C12orf71: variants seen among roughly 807,000 people sequenced by gnomAD.
C12orf71 encodes the protein chromosome 12 open reading frame 71.
Under a neutral mutation model 11.7 loss-of-function variants are expected in C12orf71, and 10 were observed. That is an observed-to-expected ratio of 0.86 (90% CI 0.53 to 1.45). C12orf71 has a LOEUF of 1.45. Among genes scored for constraint, C12orf71 ranks in the 40% most tolerant of loss-of-function variants. The pLI, the probability that C12orf71 is intolerant of heterozygous loss-of-function variation, is 0.00. For missense variants in C12orf71, 293 were observed against 325.8 expected, an observed-to-expected ratio of 0.90 and a Z score of 0.78; for synonymous variants, 110 against 123.4, an observed-to-expected ratio of 0.89 and a Z score of 0.72.
At position 27,081,511 on chromosome 12, in the gene C12orf71, C is replaced by T. The variant is rs189463694; in HGVS notation, c.517-44G>A. The T allele has an allele frequency of 3.4e-4, 530 of 1,556,098 alleles. 3 individuals carry two copies. The Middle Eastern group carries it at 5.7e-3, about 17-fold the overall frequency. The stretch of plus-strand genomic sequence containing the variant: ...ATGTGTTAGGTAGGAATAACCATGA[C>T]AACAGCCAAATCAACGTTTACTCAT... On this transcript the variant is annotated intron_variant, in intron 1 of 1. Coordinates refer to ENST00000429849, the MANE Select transcript of C12orf71 (RefSeq NM_001080406.2).
upstream of C12orf71, among the ~76,000 whole-genome samples, chr12:27,083,571 C>G (rs909155745): frequency 6.6e-6 from 1 of 152,104 alleles, no homozygotes; most frequent in Non-Finnish European, 1.5e-5. Context: ...TACAATATGT[C>G]CACATACACA....
Position 27,082,127 on chromosome 12 carries a change from T to G in C12orf71, c.357A>C (p.Leu119Phe), listed in dbSNP as rs752910392. 6.2e-7 allele frequency: 1 copy of G among 1,613,458 alleles called. No homozygotes were observed. The highest frequency in any genetic ancestry group is 8.5e-7 in the Non-Finnish European group (1 of 1,179,624). The stretch of plus-strand genomic sequence containing the variant: ...CAGACAGTTTTGTTCTCTCTTTTGG[T>G]AACTTGTCTATCCACAGGTTGTCTC... ...LNGDNLWIDK[L>F]PKERTKLSVG... The change falls in exon 1 of 2, where the codon TTA (leucine) becomes TTC (phenylalanine). Residue 119 changes from leucine (L) to phenylalanine (F), a missense_variant. Physicochemically the swap from Leu to Phe is conservative, Grantham distance 22. Coordinates refer to ENST00000429849, the MANE Select transcript of C12orf71 (RefSeq NM_001080406.2).
At position 27,082,287 on chromosome 12, in the gene C12orf71, A is replaced by G. The variant is rs370338167; in HGVS notation, c.197T>C (p.Ile66Thr). Residue 66 changes from isoleucine (I) to threonine (T), a missense_variant, in exon 1 of 2, where the codon ATA becomes ACA. Coordinates refer to ENST00000429849, the MANE Select transcript of C12orf71 (RefSeq NM_001080406.2). ...GTCTTGTCTCTTCATGCGTCTCCCT[A>G]TCCTTTCAGTCCCCCATGCCCCTTG... is the stretch of plus-strand genomic sequence containing the variant. ...PVQGAWGTERIGRRMKRQDQI... is the reference protein window; with the variant it reads ...PVQGAWGTERTGRRMKRQDQI... 9.3e-6 allele frequency: 15 copies of G among 1,607,354 alleles called. No homozygotes were observed. The highest frequency in any genetic ancestry group is 6.7e-5 in the African/African-American group (5 of 74,608).
At chr12:27,082,613 T>C (rs1415624870), upstream of C12orf71, 3 of 689,054 alleles carry the variant, frequency 4.4e-6, no homozygotes, top group African/African-American at 5.7e-5. Context: ...TTCTCTTTTT[T>C]CTTTTTTTTT....
chr12:27,081,805 C>T, intron 1 of C12orf71, 163 bp downstream of exon 1: 2 of 820,864 alleles, frequency 2.4e-6, no homozygotes, highest in Non-Finnish European at 4.1e-6. Flanking sequence ...TGTGGTTCAA[C>T]CCAGGCCTAT....
At chr12:27,083,548 A>G (rs1941954206), upstream of C12orf71, among the ~76,000 whole-genome samples, 1 of 152,238 alleles carries the variant, frequency 6.6e-6, no homozygotes, top group South Asian at 2.1e-4. Flanking sequence ...ACATATACAT[A>G]TCTGTACATT....
chr12:27,082,595 C>T, upstream of C12orf71: 1 of 772,550 alleles, frequency 1.3e-6, no homozygotes, highest in Non-Finnish European at 1.9e-6. Flanking sequence ...AAAACATTAT[C>T]CATTCCCTTC....
chr12:27,081,401 G>T lies in C12orf71; in HGVS notation c.583C>A (p.Gln195Lys). Residue 195 changes from glutamine to lysine, a missense_variant, in exon 2 of 2, where the codon CAG (glutamine) becomes AAG (lysine). By Grantham distance (53) the Gln-to-Lys change is moderately conservative. Transcript: ENST00000429849. ...GAAGGAGTGTCATCCTTCTCTGGCTGCTCTGACAGGATTGAGGAGATCTCT... is the reference window on the plus strand; with the variant it reads ...GAAGGAGTGTCATCCTTCTCTGGCTTCTCTGACAGGATTGAGGAGATCTCT... The part of the protein sequence containing the change: ...APEISSILSE[Q>K]PEKDDTPSHT... 6.2e-7 allele frequency: 1 copy of T among 1,614,002 alleles called. No homozygotes were observed. The highest frequency in any genetic ancestry group is 8.5e-7 in the Non-Finnish European group (1 of 1,179,896).
upstream of C12orf71, among the ~76,000 whole-genome samples, chr12:27,082,942 T>C (rs569188424): frequency 2.8e-3 from 425 of 151,216 alleles, 2 homozygotes; most frequent in African/African-American, 9.7e-3. Flanking sequence ...TTTTTGTTTG[T>C]TTTTGTTTTT....
chr12:27,082,614 C>CT (rs138774709), upstream of C12orf71: 137,272 of 512,720 alleles, frequency 0.27, 5,975 homozygotes, highest in Non-Finnish European at 0.3. Context: ...TCTCTTTTTT[C>CT]TTTTTTTTTT....
upstream of C12orf71, among the ~76,000 whole-genome samples, chr12:27,083,108 T>G (rs1941951363): frequency 6.6e-6 from 1 of 151,660 alleles, no homozygotes; most frequent in South Asian, 2.1e-4. Flanking sequence ...GCCCAGCTAA[T>G]TTTTTGTATT....
rs367894741 is a variant in C12orf71, at chr12:27,082,434, G to A, written c.50C>T (p.Ser17Phe). 1 of 1,524,184 alleles carries A rather than the reference G, an allele frequency of 6.6e-7. No individual in the cohort carries two copies. The highest frequency in any genetic ancestry group is 8.8e-7 in the Non-Finnish European group (1 of 1,138,042). 94.4% of individuals were successfully genotyped at this position (1,524,184 alleles called of 1,614,324 possible). The change falls in exon 1 of 2, where the codon TCC becomes TTC. Residue 17 changes from serine to phenylalanine, a missense_variant. By Grantham distance (155) the Ser-to-Phe change is radical (BLOSUM62 -2). Transcript: ENST00000429849. ...CACAGAGAGGCTCAGGTTGGAATTG[G>A]ATTTGGAGCTGTCGTCCTCTATGTC... ...NSDIEDDSSKSNSNLSLSVGY... is the reference protein window; with the variant it reads ...NSDIEDDSSKFNSNLSLSVGY...
At chr12:27,081,585 G>T in intron 1 of C12orf71, 118 bp from the exon 2 acceptor site, 1 of 951,374 alleles carries the variant, frequency 1.1e-6, no homozygotes, top group Non-Finnish European at 1.6e-6. Flanking sequence ...TGTCAATGCA[G>T]AGTTTCAATG....
chr12:27,081,940 G>A (rs1159703816), intron 1 of C12orf71, 28 bp downstream of exon 1: 11 of 1,563,012 alleles, frequency 7.0e-6, no homozygotes, highest in Non-Finnish European at 8.7e-6. Context: ...GGCAGGTCTT[G>A]ACAAGCATCA....
chr12:27,081,427 G>A lies in C12orf71; in HGVS notation c.557C>T (p.Pro186Leu). The A allele has an allele frequency of 5.0e-6, 8 of 1,613,584 alleles. No homozygotes were observed. Among genetic ancestry groups the A allele is most frequent in the Non-Finnish European group, 6.8e-6 (8 of 1,179,588 alleles). Reference protein sequence around the residue: ...QATASQRTSAPEISSILSEQP... With the variant: ...QATASQRTSALEISSILSEQP... ...CTCTGACAGGATTGAGGAGATCTCT[G>A]GAGCGCTTGTCCTTTGGCTGGCGGT... The change falls in exon 2 of 2, where the codon CCA (proline) becomes CTA (leucine). Residue 186 changes from proline to leucine, a missense_variant. Transcript: ENST00000429849.
rs753427663 is a variant in C12orf71 at position 27,081,318 on chromosome 12, C to G, written c.666G>C (p.Gln222His). 1.9e-6 allele frequency: 3 copies of G among 1,614,018 alleles called. No individual in the cohort carries two copies. In the South Asian group the frequency reaches 3.3e-5, roughly 18 times the overall value. ...NFGWAFSWLRQRILPSLLRRD... is the reference protein window; with the variant it reads ...NFGWAFSWLRHRILPSLLRRD... ...TCCTCAGCAGAGAGGGGAGGATACG[C>G]TGCCTCAGCCAGCTGAAGGCCCACC... Residue 222 changes from glutamine to histidine, a missense_variant, in exon 2 of 2, where the codon CAG becomes CAC. Physicochemically the swap from Gln to His is conservative, Grantham distance 24. Transcript: ENST00000429849.
chr12:27,082,703 G>A (rs1478932575), upstream of C12orf71, among the ~76,000 whole-genome samples: 4 of 150,536 alleles, frequency 2.7e-5, no homozygotes, highest in Non-Finnish European at 5.9e-5. Context: ...TCAGCCTCCC[G>A]AGTAGCTGGG....
chr12:27,082,121 T>G lies in C12orf71; in HGVS notation c.363A>C (p.Lys121Asn). The G allele has an allele frequency of 6.2e-7, 1 of 1,613,304 alleles. No individual in the cohort carries two copies. The highest frequency in any genetic ancestry group is 8.5e-7 in the Non-Finnish European group (1 of 1,179,532). The change falls in exon 1 of 2, where the codon AAA (lysine) becomes AAC (asparagine). Residue 121 changes from lysine to asparagine, a missense_variant. Transcript: ENST00000429849. ...GDNLWIDKLP[K>N]ERTKLSVGKL... ...TGCCAACAGACAGTTTTGTTCTCTC[T>G]TTTGGTAACTTGTCTATCCACAGGT...
chr12:27,081,457 T>C lies in C12orf71; in HGVS notation c.527A>G (p.Gln176Arg). Reference protein sequence around the residue: ...SPPEMVQMISQATASQRTSAP... With the variant: ...SPPEMVQMISRATASQRTSAP... ...GCTTGTCCTTTGGCTGGCGGTTGCC[T>C]GGCTTATCATCTGCCATGAAAATGA... Residue 176 changes from glutamine (Q) to arginine (R), a missense_variant, in exon 2 of 2, where the codon CAG becomes CGG. Gln to Arg is a conservative substitution (Grantham distance 43). Transcript: ENST00000429849. 6.2e-7 allele frequency: 1 copy of C among 1,607,088 alleles called. No homozygotes were observed. Among genetic ancestry groups the C allele is most frequent in the Non-Finnish European group, 8.5e-7 (1 of 1,174,752 alleles).
Sources: allele counts gnomAD v4.1 joint callset (sites outside exome capture counted in the v4.1 genomes callset), GRCh38; gene constraint gnomAD v4.1.1; transcripts MANE v1.5; gene names NCBI Gene and HGNC (gene_info 2026-07-23, HGNC 2026-07-21).